The following EYS variants were observed in gnomAD, a reference collection of about 807,000 sequenced individuals.
The protein encoded by EYS is protein eyes shut homolog.
A neutral mutation model predicts 282.1 loss-of-function variants in EYS; 250 were observed. The ratio of observed to expected loss-of-function variants is 0.89; its 90% confidence interval spans 0.80 to 0.98. The LOEUF is 0.98. EYS is among the 50% of genes least tolerant of loss of function. The probability of loss-of-function intolerance (pLI) is 0.00; values close to 1 mark genes in which losing one functional copy is unlikely to be tolerated. For synonymous variants in EYS, 1,355 were observed against 1,282.9 expected (o/e 1.06, Z -1.20); for missense variants, 4,016 against 3,709.0 (o/e 1.08, Z -2.15).
At position 64,902,179 on chromosome 6, in the gene EYS, A is replaced by G. The variant is rs1767687987; in HGVS notation, c.2780T>C (p.Ile927Thr). The G allele has an allele frequency of 1.3e-6, 2 of 1,550,676 alleles. No individual in the cohort carries two copies. The highest frequency in any genetic ancestry group is 2.4e-5 in the South Asian group (2 of 83,926). The stretch of plus-strand genomic sequence containing the variant: ...TTCAGAGGAACATTCATTAATTTCA[A>G]TTTCACACAGAGATCCAGAAAACCC... ...RPGFSGSLCE[I>T]EINECSSEPC... The change falls in exon 18 of 43, where the codon ATT (isoleucine) becomes ACT (threonine). Residue 927 changes from isoleucine to threonine, a missense_variant. Transcript: ENST00000503581.
intron 22 of EYS, among the ~76,000 whole-genome samples, chr6:64,806,218 A>C (rs1055600121): frequency 2.0e-5 from 3 of 151,792 alleles, no homozygotes; most frequent in African/African-American, 7.2e-5. Flanking sequence ...TTAAAATACC[A>C]ACATCATTTT....
intron 12 of EYS, among the ~76,000 whole-genome samples, chr6:65,079,354 T>C (rs1774151911): frequency 6.6e-6 from 1 of 152,098 alleles, no homozygotes; most frequent in Non-Finnish European, 1.5e-5. Context: ...TAAAAACTAA[T>C]TCATTTGAGA....
intron 13 of EYS, among the ~76,000 whole-genome samples, chr6:64,999,961 T>G (rs1771409920): frequency 6.6e-6 from 1 of 152,144 alleles, no homozygotes; most frequent in South Asian, 2.1e-4. Flanking sequence ...ATTCTTCTGG[T>G]ACACCAAGGC....
intron 13 of EYS, among the ~76,000 whole-genome samples, chr6:65,012,828 GA>G (rs982440566): frequency 3.9e-5 from 5 of 128,564 alleles, no homozygotes; most frequent in African/African-American, 9.1e-5. Flanking sequence ...AAAAAAAAAT[GA>G]AAAAAAACTA....
Position 63,864,299 on chromosome 6 carries a change from A to G in EYS, c.7115T>C (p.Phe2372Ser), listed in dbSNP as rs1004559050. 6.4e-7 allele frequency: 1 copy of G among 1,551,702 alleles called. No individual in the cohort carries two copies. The highest frequency in any genetic ancestry group is 8.7e-7 in the Non-Finnish European group (1 of 1,146,934). ...ACATGGGTTGTTTTCACAACTTGCA[A>G]ACTGGCACAGCTTGCCTGAATACAG... ...PRLYSGKLCQ[F>S]ASCENNPCGN... The change falls in exon 36 of 43, where the codon TTT (phenylalanine) becomes TCT (serine). Residue 2372 changes from phenylalanine to serine, a missense_variant. Physicochemically the swap from Phe to Ser is radical, Grantham distance 155. Transcript: ENST00000503581.
At chr6:64,344,161 T>C (rs181398924) in intron 29 of EYS, among the ~76,000 whole-genome samples, 400 of 152,268 alleles carry the variant, frequency 2.6e-3, no homozygotes, top group Non-Finnish European at 4.1e-3. Context: ...CTTCTGAAAC[T>C]ATTCCAATCA....
intron 22 of EYS, among the ~76,000 whole-genome samples, chr6:64,676,316 C>CTATATATATATATATCTATATATCTA (rs199984162): frequency 4.2e-5 from 5 of 119,054 alleles, no homozygotes; most frequent in Non-Finnish European, 9.1e-5. Flanking sequence ...TCCAATATAT[C>CTATATATATATATATCTATATATCTA]TATATATATA....
At chr6:64,858,272 G>T (rs1766128553) in intron 19 of EYS, among the ~76,000 whole-genome samples, 1 of 152,070 alleles carries the variant, frequency 6.6e-6, no homozygotes, top group Non-Finnish European at 1.5e-5. Context: ...GTTAATTTTT[G>T]TATATGGTAT....
Position 64,329,156 on chromosome 6 carries a change from C to T in EYS, c.6079-22074G>A, listed in dbSNP as rs149650838. On this transcript the variant is annotated intron_variant, in intron 29 of 42. Transcript: ENST00000503581. The stretch of plus-strand genomic sequence containing the variant: ...GAGGCTGGAAAAAGGACTTTATGGT[C>T]CATACTGGTGTGGAGCACTCGGTAG... Among the ~76,000 whole-genome samples, 1,090 of 152,042 alleles carry T rather than the reference C, an allele frequency of 7.2e-3. 9 individuals are homozygous for T. The highest frequency in any genetic ancestry group is 0.025 in the African/African-American group (1,046 of 41,478).
intron 19 of EYS, among the ~76,000 whole-genome samples, chr6:64,857,816 G>A (rs528783998): frequency 1.3e-5 from 2 of 152,010 alleles, no homozygotes; most frequent in African/African-American, 4.8e-5. Context: ...TAATGAGAGA[G>A]AATTAATTGT....
intron 2 of EYS, among the ~76,000 whole-genome samples, chr6:65,625,591 G>C (rs1438690273): frequency 6.6e-6 from 1 of 152,176 alleles, no homozygotes; most frequent in Non-Finnish European, 1.5e-5. Flanking sequence ...GGCAAAGAGA[G>C]GTTGTGAAAT....
At chr6:63,737,679 A>G (rs548110293) in intron 41 of EYS, among the ~76,000 whole-genome samples, 1,829 of 152,190 alleles carry the variant, frequency 0.012, 28 homozygotes, top group African/African-American at 0.042. Flanking sequence ...GTTCCTCCTT[A>G]TACCTCTGGT....
At chr6:63,875,010 T>C (rs1772929495) in intron 35 of EYS, among the ~76,000 whole-genome samples, 1 of 152,214 alleles carries the variant, frequency 6.6e-6, no homozygotes, top group South Asian at 2.1e-4. Flanking sequence ...AACACTATGT[T>C]GAATAGGAGT....
intron 22 of EYS, among the ~76,000 whole-genome samples, chr6:64,628,970 A>G (rs1309600628): frequency 6.6e-6 from 1 of 152,172 alleles, no homozygotes; most frequent in African/African-American, 2.4e-5. Flanking sequence ...ATATTACTAC[A>G]TTATTATTAA....
intron 14 of EYS, among the ~76,000 whole-genome samples, chr6:64,972,594 T>G (rs2150111834): frequency 6.6e-6 from 1 of 152,244 alleles, no homozygotes; most frequent in South Asian, 2.1e-4. Context: ...ATAGTAGATA[T>G]ATTTTCTCTT....
At chr6:64,516,256 A>G (rs1777557250) in intron 26 of EYS, among the ~76,000 whole-genome samples, 1 of 150,786 alleles carries the variant, frequency 6.6e-6, no homozygotes, top group Non-Finnish European at 1.5e-5. Flanking sequence ...TCTCTACAAA[A>G]AACAGCTATG....
chr6:63,948,681 T>G (rs1229227590), intron 35 of EYS, among the ~76,000 whole-genome samples: 1 of 152,174 alleles, frequency 6.6e-6, no homozygotes, highest in Non-Finnish European at 1.5e-5. Context: ...TACTAATATT[T>G]GAATCAACCT....
chr6:65,020,877 G>T (rs533456986), intron 13 of EYS, among the ~76,000 whole-genome samples: 1 of 152,168 alleles, frequency 6.6e-6, no homozygotes, highest in African/African-American at 2.4e-5. Flanking sequence ...AGCTGCCAAG[G>T]CTTGGGACTT....
At chr6:64,259,626 C>A (rs1195599506) in intron 30 of EYS, among the ~76,000 whole-genome samples, 2 of 150,062 alleles carry the variant, frequency 1.3e-5, no homozygotes, top group Non-Finnish European at 3.0e-5. Context: ...ACCCCCTACT[C>A]TCTCCCAGTA....
Sources: allele counts gnomAD v4.1 joint callset (sites outside exome capture counted in the v4.1 genomes callset), GRCh38; gene constraint gnomAD v4.1.1; transcripts MANE v1.5; gene names NCBI Gene and HGNC (gene_info 2026-07-23, HGNC 2026-07-21).